Variants in CDC42BPA observed in about 807,000 individuals in gnomAD.
CDC42BPA encodes the protein CDC42 binding protein kinase alpha.
Under a neutral mutation model 223.5 loss-of-function variants are expected in CDC42BPA, and 80 were observed. The observed-to-expected ratio is 0.36, with a 90% confidence interval of 0.30 to 0.43. CDC42BPA has a LOEUF of 0.43. Among genes scored for constraint, CDC42BPA ranks in the 20% least tolerant of loss-of-function variants. The pLI, the probability that CDC42BPA is intolerant of heterozygous loss-of-function variation, is 1.00. For synonymous variants in CDC42BPA, 694 were observed against 718.6 expected (o/e 0.97, Z 0.55); for missense variants, 1,743 against 2,099.9 (o/e 0.83, Z 3.32).
intron 15 of CDC42BPA, among the ~76,000 whole-genome samples, chr1:227,096,341 A>G (rs1334810567): frequency 6.6e-6 from 1 of 152,216 alleles, no homozygotes; most frequent in Non-Finnish European, 1.5e-5. Context: ...TGTTAGCATT[A>G]AACAAGCTTA....
In CDC42BPA at chr1:227,109,666, ATCTT is replaced by A. The variant is rs1451651677; in HGVS notation, c.2001+2642_2001+2645del. Reference sequence around the variant, plus strand: ...CAGGTGTGAGCCACCGCACCTGGCTATCTTTCTTTATATCCATTTTCTATAAGCT... The same window carrying A: ...CAGGTGTGAGCCACCGCACCTGGCTATCTTTATATCCATTTTCTATAAGCT... On this transcript the variant is annotated intron_variant, in intron 14 of 36. Transcript: ENST00000366766. Among the ~76,000 whole-genome samples the A allele has an allele frequency of 2.6e-5, 4 of 151,970 alleles. No homozygotes were observed. The East Asian group carries it at 7.7e-4, about 29-fold the overall frequency.
chr1:227,193,769 A>T lies in CDC42BPA; in HGVS notation c.599+17T>A, dbSNP rs1328918772. The T allele has an allele frequency of 4.4e-6, 7 of 1,578,798 alleles. No individual in the cohort carries two copies. Among genetic ancestry groups the T allele is most frequent in the Non-Finnish European group, 6.0e-6 (7 of 1,163,430 alleles). ...ACATGGTAACTCACAGCCAGGTACA[A>T]TGAAGGACTGTTTTACCTGTGTACA... On this transcript the variant is annotated intron_variant, in intron 5 of 36. Transcript: ENST00000366766.
chr1:227,308,895 A>T (rs1223500869), intron 1 of CDC42BPA, among the ~76,000 whole-genome samples: 1 of 152,254 alleles, frequency 6.6e-6, no homozygotes, highest in Non-Finnish European at 1.5e-5. Context: ...ACGTTTAAGC[A>T]ATCTGAAATA....
intron 34 of CDC42BPA, among the ~76,000 whole-genome samples, chr1:227,009,088 A>C (rs902004824): frequency 6.6e-6 from 1 of 152,172 alleles, no homozygotes; most frequent in Admixed American, 6.5e-5. Context: ...CTTTCCTATA[A>C]AACAAACCTA....
chr1:227,134,189 G>C (rs1658024018), intron 10 of CDC42BPA, among the ~76,000 whole-genome samples: 2 of 151,898 alleles, frequency 1.3e-5, no homozygotes, highest in African/African-American at 4.8e-5. Flanking sequence ...ACCCTGGTTA[G>C]ATTCTTTGGT....
intron 11 of CDC42BPA, among the ~76,000 whole-genome samples, chr1:227,123,997 A>T (rs1382108212): frequency 2.6e-5 from 4 of 152,118 alleles, no homozygotes; most frequent in African/African-American, 9.7e-5. Context: ...GAGACAAAAA[A>T]ATTCTATTTT....
chr1:227,113,878 A>G (rs1370457107), intron 12 of CDC42BPA, among the ~76,000 whole-genome samples: 1 of 151,054 alleles, frequency 6.6e-6, no homozygotes, highest in African/African-American at 2.4e-5. Context: ...AAAAAAAAAA[A>G]AGGCCAGGTA....
chr1:227,120,115 G>C (rs115346894), intron 11 of CDC42BPA, among the ~76,000 whole-genome samples, 178 bp from the exon 12 acceptor site: 1 of 151,630 alleles, frequency 6.6e-6, no homozygotes, highest in Admixed American at 6.6e-5. Flanking sequence ...CTGTAAAGAC[G>C]GTGAATGGTG....
chr1:227,133,028 C>G (rs1332975088), intron 10 of CDC42BPA, among the ~76,000 whole-genome samples: 3 of 151,472 alleles, frequency 2.0e-5, no homozygotes, highest in African/African-American at 7.3e-5. Flanking sequence ...CCACCCCGTC[C>G]GGGAGGGAGG....
Position 227,316,880 on chromosome 1 carries a change from T to C in CDC42BPA, c.178+125A>G, listed in dbSNP as rs1694492462. 8.6e-6 allele frequency: 6 copies of C among 698,084 alleles called. No homozygotes were observed. In the South Asian group the frequency reaches 1.2e-4, roughly 14 times the overall value. 43.2% of individuals were successfully genotyped at this position (698,084 alleles called of 1,614,324 possible). On this transcript the variant is annotated intron_variant, in intron 1 of 36. Transcript: ENST00000366766. ...AAACTAGCGGAAAATCTTGAATAAC[T>C]AGTGTCTGTTTTTTTATTGTATTTT...
chr1:227,306,173 G>T (rs1351508146), intron 1 of CDC42BPA, among the ~76,000 whole-genome samples: 2 of 147,264 alleles, frequency 1.4e-5, no homozygotes, highest in Admixed American at 1.4e-4. Context: ...TTCTACAAAG[G>T]TCTTGGATGT....
chr1:227,034,786 C>T lies in CDC42BPA; in HGVS notation c.3345G>A (p.Lys1115=). ...GCCACCCTTTCTTCACTCCAGCTGG[C>T]TTAGGAATCTTAGTTTTGTTTTAGA... The part of the protein sequence containing the change: ...TAYEGHVRIP[K]PAGVKKGWQR... Residue 1115 remains lysine, a synonymous_variant, in exon 26 of 37, where the codon AAG becomes AAA. Coordinates refer to ENST00000366766, the MANE Select transcript of CDC42BPA (RefSeq NM_001394014.1). 6.3e-7 allele frequency: 1 copy of T among 1,583,782 alleles called. No homozygotes were observed. Among genetic ancestry groups the T allele is most frequent in the African/African-American group, 1.5e-5 (1 of 67,458 alleles).
At chr1:227,243,994 C>A (rs1680466828) in intron 2 of CDC42BPA, among the ~76,000 whole-genome samples, 1 of 150,164 alleles carries the variant, frequency 6.7e-6, no homozygotes, top group South Asian at 2.1e-4. Context: ...TACGGCCACT[C>A]ACTCACCAAA....
At chr1:227,149,652 G>A (rs909851277) in intron 6 of CDC42BPA, among the ~76,000 whole-genome samples, 9 of 152,092 alleles carry the variant, frequency 5.9e-5, no homozygotes, top group African/African-American at 1.7e-4. Context: ...TAAAATAAAC[G>A]TAATAAATAG....
intron 12 of CDC42BPA, among the ~76,000 whole-genome samples, chr1:227,117,201 T>C (rs1421651493): frequency 4.6e-5 from 7 of 152,190 alleles, no homozygotes. Flanking sequence ...TAACAATCCG[T>C]TCTATTCTGG....
intron 5 of CDC42BPA, among the ~76,000 whole-genome samples, chr1:227,177,134 A>ATATATAT (rs1553378325): frequency 1.8e-5 from 2 of 109,630 alleles, no homozygotes; most frequent in African/African-American, 7.3e-5. Flanking sequence ...TAAGAAAAAA[A>ATATATAT]AAATATATAT....
intron 9 of CDC42BPA, 146 bp from the exon 10 acceptor site, chr1:227,139,888 A>G (rs770750361): frequency 4.8e-6 from 2 of 419,112 alleles, no homozygotes; most frequent in Non-Finnish European, 8.2e-6. Flanking sequence ...ACAGATCTGA[A>G]TATCTTGCAG....
At chr1:227,074,474 C>A in intron 17 of CDC42BPA, 110 bp from the exon 18 acceptor site, 1 of 748,290 alleles carries the variant, frequency 1.3e-6, no homozygotes, top group South Asian at 1.9e-5. Context: ...CAAAGATAGT[C>A]TTAAATAATT....
rs1342538714 is a variant in CDC42BPA, at chr1:227,030,392, A to T, written c.3838+16T>A. ...ACGATTTAAAATTACTCCAAAAAAA[A>T]AAAGTTTTCTCTTACCATCTTTGGT... On this transcript the variant is annotated intron_variant, in intron 29 of 36. Coordinates refer to ENST00000366766, the MANE Select transcript of CDC42BPA (RefSeq NM_001394014.1). 3.2e-6 allele frequency: 5 copies of T among 1,549,028 alleles called. No homozygotes were observed. The highest frequency in any genetic ancestry group is 4.4e-6 in the Non-Finnish European group (5 of 1,139,632).
Sources: gnomAD v4.1 joint callset for allele counts (sites outside exome capture counted in the v4.1 genomes callset) on GRCh38, gnomAD v4.1.1 for gene constraint, MANE v1.5 for transcripts, NCBI Gene and HGNC (gene_info 2026-07-23, HGNC 2026-07-21) for gene names.